SPTA1: variants seen among roughly 807,000 people sequenced by gnomAD.
The protein encoded by SPTA1 is spectrin alpha chain, erythrocytic 1.
Under a neutral mutation model 324.7 loss-of-function variants are expected in SPTA1, and 177 were observed. That is an observed-to-expected ratio of 0.55 (90% CI 0.48 to 0.62). SPTA1 has a LOEUF of 0.62. SPTA1 is among the 20% of genes least tolerant of loss of function. The pLI, the probability that SPTA1 is intolerant of heterozygous loss-of-function variation, is 0.00. For synonymous variants in SPTA1, 1,195 were observed against 1,041.3 expected (o/e 1.15, Z -2.84); for missense variants, 3,162 against 2,883.6 (o/e 1.10, Z -2.21).
chr1:158,682,770 A>G (rs991146074), intron 3 of SPTA1, among the ~76,000 whole-genome samples: 2 of 152,212 alleles, frequency 1.3e-5, no homozygotes, highest in Non-Finnish European at 2.9e-5. Flanking sequence ...TAGCTGTTAC[A>G]TTAATAATAG....
intron 48 of SPTA1, 85 bp downstream of exon 48, chr1:158,615,131 T>G (rs1649475248): frequency 6.7e-7 from 1 of 1,493,784 alleles, no homozygotes; most frequent in East Asian, 2.3e-5. Context: ...TTTTATCTGG[T>G]GCACCAAACT....
At chr1:158,615,478 A>G in intron 47 of SPTA1, 75 bp from the exon 48 acceptor site, 4 of 1,433,520 alleles carry the variant, frequency 2.8e-6, no homozygotes, top group Non-Finnish European at 3.9e-6. Flanking sequence ...GGAAGAGGAG[A>G]TAACAGGCTG....
In SPTA1 at chr1:158,644,372, C is replaced by T. The variant is rs763376569; in HGVS notation, c.4219G>A (p.Val1407Ile). 4 of 1,613,836 alleles carry T rather than the reference C, an allele frequency of 2.5e-6. No individual in the cohort carries two copies. In the South Asian group the frequency reaches 3.3e-5, roughly 13 times the overall value. The change falls in exon 30 of 52, where the codon GTT (valine) becomes ATT (isoleucine). Residue 1407 changes from valine (V) to isoleucine (I), a missense_variant. Coordinates refer to ENST00000643759, the MANE Select transcript of SPTA1 (RefSeq NM_003126.4). ...TCACGTGCCACCATCCAGCTCTCAA[C>T]TTGATCACAGTTCCCCTGGAACATC... Reference protein sequence around the residue: ...LQMFQGNCDQVESWMVARENS... With the variant: ...LQMFQGNCDQIESWMVARENS...
chr1:158,657,895 C>T (rs1333961337), intron 18 of SPTA1, among the ~76,000 whole-genome samples: 2 of 152,130 alleles, frequency 1.3e-5, no homozygotes, highest in African/African-American at 2.4e-5. Flanking sequence ...GGGAGATATG[C>T]ATGTGGTGGT....
Position 158,685,238 on chromosome 1 carries a change from C to A in SPTA1, c.134G>T (p.Arg45Met). 1 of 1,613,758 alleles carries A rather than the reference C, an allele frequency of 6.2e-7. No individual in the cohort carries two copies. Among genetic ancestry groups the A allele is most frequent in the Non-Finnish European group, 8.5e-7 (1 of 1,179,808 alleles). ...YQSFKERVAERGQKLEDSYHL... is the reference protein window; with the variant it reads ...YQSFKERVAEMGQKLEDSYHL... ...ATAGGAATCCTCAAGCTTCTGACCC[C>A]TCTCAGCGACCCGCTCCTTGAAACT... Residue 45 changes from arginine (R) to methionine (M), a missense_variant, in exon 2 of 52, where the codon AGG (arginine) becomes ATG (methionine). By Grantham distance (91) the Arg-to-Met change is moderately conservative. Transcript: ENST00000643759.
rs857933 is a variant in SPTA1, at chr1:158,682,000, C to T, written c.391-333G>A. ...CCTTATGGAGCAGAAAGATTTTTGA[C>T]AGGTCAATCATAAGCATAACATGTT... On this transcript the variant is annotated intron_variant, in intron 3 of 51. Transcript: ENST00000643759. 0.5 allele frequency among the ~76,000 whole-genome samples: 75,885 copies of T among 152,012 alleles called. 20,380 individuals carry two copies. Among genetic ancestry groups the T allele is most frequent in the Non-Finnish European group, 0.6 (40,482 of 67,960 alleles).
chr1:158,672,068 A>T lies in SPTA1; in HGVS notation c.1479T>A (p.Ser493Arg), dbSNP rs762472500. The change falls in exon 11 of 52, where the codon AGT becomes AGA. Residue 493 changes from serine (S) to arginine (R), a missense_variant. By Grantham distance (110) the Ser-to-Arg change is moderately radical. Coordinates refer to ENST00000643759, the MANE Select transcript of SPTA1 (RefSeq NM_003126.4). Reference sequence around the variant, plus strand: ...GGACCCCTCCCGTTACCTCTTGTCTACTCATCCAACTGTCCACTTGCTCAC... The same window carrying T: ...GGACCCCTCCCGTTACCTCTTGTCTTCTCATCCAACTGTCCACTTGCTCAC... ...RDSEQVDSWM[S>R]RQEAFLENED... The T allele has an allele frequency of 2.5e-6, 4 of 1,613,746 alleles. No homozygotes were observed. The highest frequency in any genetic ancestry group is 3.4e-6 in the Non-Finnish European group (4 of 1,179,934).
At chr1:158,631,515 C>T (rs1404486140) in intron 39 of SPTA1, among the ~76,000 whole-genome samples, 1 of 151,986 alleles carries the variant, frequency 6.6e-6, no homozygotes, top group African/African-American at 2.4e-5. Flanking sequence ...GCACACTGCT[C>T]GGGTGATAGG....
chr1:158,621,279 G>A (rs1649897132), intron 43 of SPTA1, among the ~76,000 whole-genome samples: 1 of 152,070 alleles, frequency 6.6e-6, no homozygotes, highest in African/African-American at 2.4e-5. Flanking sequence ...CTTCTAAAGA[G>A]GTTTGTCTTG....
In SPTA1 at chr1:158,659,700, T is replaced by G; in HGVS notation, c.2587+1587A>C. Among the ~76,000 whole-genome samples the G allele has an allele frequency of 3.1e-5, 2 of 64,214 alleles. 1 individual carries two copies. Among genetic ancestry groups the G allele is most frequent in the Non-Finnish European group, 5.0e-5 (2 of 40,226 alleles). The allele number at this position is 64,214 out of a possible 152,430, so 42.1% of individuals were successfully genotyped here. ...ATCTCGGCTCACTGCAAGCTCCGCTTCCCGGGTTCACGCCATTCTCCTGCC... is the reference window on the plus strand; with the variant it reads ...ATCTCGGCTCACTGCAAGCTCCGCTGCCCGGGTTCACGCCATTCTCCTGCC... On this transcript the variant is annotated intron_variant, in intron 18 of 51. Coordinates refer to ENST00000643759, the MANE Select transcript of SPTA1 (RefSeq NM_003126.4).
Position 158,662,937 on chromosome 1 carries a change from C to T in SPTA1, c.2229G>A (p.Val743=). 1 of 1,613,984 alleles carries T rather than the reference C, an allele frequency of 6.2e-7. No individual in the cohort carries two copies. Among genetic ancestry groups the T allele is most frequent in the Non-Finnish European group, 8.5e-7 (1 of 1,179,944 alleles). The change falls in exon 17 of 52, where the codon GTG becomes GTA. Residue 743 remains valine, a synonymous_variant. Transcript: ENST00000643759. The part of the protein sequence containing the change: ...ESAVAARQDQ[V]DILTDLAAYF... ...ATGCAGCCAGGTCTGTAAGGATATC[C>T]ACCTGATCCTAAGGGAGAAATAGAA...
chr1:158,677,622 T>C (rs1032422096), intron 7 of SPTA1, 68 bp downstream of exon 7: 10 of 1,587,918 alleles, frequency 6.3e-6, no homozygotes, highest in South Asian at 5.7e-5. Flanking sequence ...GGCACGGTAA[T>C]AGGCAAGATA....
Position 158,678,652 on chromosome 1 carries a change from G to A in SPTA1, c.679-118C>T. ...TTTACAGAAGTGAAAACTGACCATT[G>A]TAGCCAGACACTGAACTTCATCATA... is the stretch of plus-strand genomic sequence containing the variant. On this transcript the variant is annotated intron_variant, in intron 5 of 51. Coordinates refer to ENST00000643759, the MANE Select transcript of SPTA1 (RefSeq NM_003126.4). 5.5e-6 allele frequency: 7 copies of A among 1,263,714 alleles called. No homozygotes were observed. The South Asian group carries it at 9.0e-5, about 16-fold the overall frequency. 78.3% of individuals were successfully genotyped at this position (1,263,714 alleles called of 1,614,324 possible). A position where few individuals can be genotyped will look rare whatever the true frequency, so the allele number is the denominator to read the frequency against.
rs764367021 is a variant in SPTA1, at chr1:158,667,849, G to C, written c.2038+9C>G. ...AAAATGACCTTTCACCAAAACCTCT[G>C]CTTTTTACCTTTCTGTTTTGTAGCC... On this transcript the variant is annotated intron_variant, in intron 15 of 51. Transcript: ENST00000643759. 5 of 1,613,456 alleles carry C rather than the reference G, an allele frequency of 3.1e-6. No individual in the cohort carries two copies. The Admixed American group carries it at 6.7e-5, about 22-fold the overall frequency.
chr1:158,633,209 T>C (rs186203878), intron 39 of SPTA1, among the ~76,000 whole-genome samples: 1 of 152,172 alleles, frequency 6.6e-6, no homozygotes, highest in Admixed American at 6.5e-5. Flanking sequence ...ACAGCAGTGA[T>C]CCTTGTGATG....
intron 38 of SPTA1, among the ~76,000 whole-genome samples, chr1:158,635,538 C>T (rs1029258759): frequency 2.6e-5 from 4 of 152,064 alleles, no homozygotes; most frequent in African/African-American, 9.7e-5. Flanking sequence ...GGCTATATGG[C>T]TATAGGGAAA....
Position 158,613,874 on chromosome 1 carries a change from G to C in SPTA1, c.6843-7C>G. 6.2e-7 allele frequency: 1 copy of C among 1,611,640 alleles called. No individual in the cohort carries two copies. Among genetic ancestry groups the C allele is most frequent in the South Asian group, 1.1e-5 (1 of 90,892 alleles). On this transcript the variant is annotated splice_polypyrimidine_tract_variant and splice_region_variant and intron_variant, in intron 49 of 51. Coordinates refer to ENST00000643759, the MANE Select transcript of SPTA1 (RefSeq NM_003126.4). ...CAAATTCTCATCAAAGTGTCTAAAG[G>C]ATAAAAAAAGAAAAAAAAATTTATC...
At position 158,672,233 on chromosome 1, in the gene SPTA1, T is replaced by C. The variant is rs756715655; in HGVS notation, c.1351-37A>G. The C allele has an allele frequency of 1.9e-6, 3 of 1,559,292 alleles. No individual in the cohort carries two copies. The Admixed American group carries it at 5.4e-5, about 28-fold the overall frequency. On this transcript the variant is annotated intron_variant, in intron 10 of 51. Coordinates refer to ENST00000643759, the MANE Select transcript of SPTA1 (RefSeq NM_003126.4). ...AGGAGATAATGTATATGGAAGATAATTAATTTATTTTATTCTATATTTATT... is the reference window on the plus strand; with the variant it reads ...AGGAGATAATGTATATGGAAGATAACTAATTTATTTTATTCTATATTTATT...
rs748202032 is a variant in SPTA1, at chr1:158,623,086, A to G, written c.6017T>C (p.Ile2006Thr). ...ISAQHNQSKA[I>T]EERYAALLKR... Reference sequence around the variant, plus strand: ...CAGCAGAGCGGCATAACGCTCTTCAATGGCTTTAGACTGGTTGTGTTGAGC... The same window carrying G: ...CAGCAGAGCGGCATAACGCTCTTCAGTGGCTTTAGACTGGTTGTGTTGAGC... Residue 2006 changes from isoleucine (I) to threonine (T), a missense_variant, in exon 43 of 52, where the codon ATT (isoleucine) becomes ACT (threonine). Transcript: ENST00000643759. 1 of 1,614,182 alleles carries G rather than the reference A, an allele frequency of 6.2e-7. No homozygotes were observed. The highest frequency in any genetic ancestry group is 8.5e-7 in the Non-Finnish European group (1 of 1,180,024).
Sources: gnomAD v4.1 joint callset for allele counts (sites outside exome capture counted in the v4.1 genomes callset) on GRCh38, gnomAD v4.1.1 for gene constraint, MANE v1.5 for transcripts, NCBI Gene and HGNC (gene_info 2026-07-23, HGNC 2026-07-21) for gene names.